WWOX: variants seen among roughly 807,000 people sequenced by gnomAD.
WWOX encodes the protein WW domain-containing oxidoreductase.
A neutral mutation model predicts 46.2 loss-of-function variants in WWOX; 69 were observed. The observed-to-expected ratio is 1.49, with a 90% CI of 1.23 to 1.82. The LOEUF is 1.82. Among genes scored for constraint, WWOX ranks in the 40% most tolerant of loss-of-function variants. The pLI, the probability that WWOX is intolerant of heterozygous loss-of-function variation, is 0.00. For synonymous variants in WWOX, 359 were observed against 202.6 expected (o/e 1.77, Z -6.56); for missense variants, 919 against 542.6 (o/e 1.69, Z -6.89).
chr16:78,409,329 C>T (rs980688597), intron 6 of WWOX, among the ~76,000 whole-genome samples: 2 of 152,118 alleles, frequency 1.3e-5, no homozygotes, highest in South Asian at 2.1e-4. Flanking sequence ...CAGAACAGTG[C>T]CATCACCCCC....
intron 5 of WWOX, among the ~76,000 whole-genome samples, chr16:78,372,317 T>G (rs1037748018): frequency 6.6e-6 from 1 of 152,226 alleles, no homozygotes. Flanking sequence ...ATATGGTTCC[T>G]TATGGTCCTG....
chr16:78,504,634 T>C (rs2085148109), intron 8 of WWOX, among the ~76,000 whole-genome samples: 1 of 152,182 alleles, frequency 6.6e-6, no homozygotes, highest in South Asian at 2.1e-4. Context: ...CACCCAGAAC[T>C]TATGAAATAT....
chr16:79,200,833 G>A (rs961583194), intron 8 of WWOX, among the ~76,000 whole-genome samples: 1 of 152,182 alleles, frequency 6.6e-6, no homozygotes, highest in Non-Finnish European at 1.5e-5. Flanking sequence ...AGGTGCTGGG[G>A]CCAGGTGACA....
intron 8 of WWOX, among the ~76,000 whole-genome samples, chr16:78,951,452 A>G (rs927625273): frequency 1.1e-4 from 17 of 148,574 alleles, no homozygotes; most frequent in Non-Finnish European, 1.9e-4. Context: ...ACCACCTTAG[A>G]GCATGGGAGC....
intron 8 of WWOX, among the ~76,000 whole-genome samples, chr16:78,975,265 A>G (rs1225072529): frequency 3.3e-5 from 5 of 152,164 alleles, no homozygotes; most frequent in Admixed American, 6.5e-5. Flanking sequence ...AGGTGTGGCA[A>G]TGTCTAGAGA....
At chr16:78,711,860 C>T (rs1026936026) in intron 8 of WWOX, among the ~76,000 whole-genome samples, 36 of 152,172 alleles carry the variant, frequency 2.4e-4, no homozygotes, top group African/African-American at 7.2e-4. Context: ...TCCGTAAACA[C>T]ATCTTACAAA....
intron 8 of WWOX, among the ~76,000 whole-genome samples, chr16:78,472,285 G>A (rs1434215560): frequency 6.6e-6 from 1 of 152,098 alleles, no homozygotes; most frequent in African/African-American, 2.4e-5. Context: ...AGGGAATGTG[G>A]TCAGCCTCTT....
chr16:79,075,879 T>G (rs2048646833), intron 8 of WWOX, among the ~76,000 whole-genome samples: 1 of 152,198 alleles, frequency 6.6e-6, no homozygotes, highest in Non-Finnish European at 1.5e-5. Flanking sequence ...TTTTTCAGAA[T>G]TATGTTTTTT....
chr16:78,647,628 T>G (rs1238228886), intron 8 of WWOX, among the ~76,000 whole-genome samples: 2 of 152,198 alleles, frequency 1.3e-5, no homozygotes, highest in Non-Finnish European at 2.9e-5. Flanking sequence ...TACCATTTCC[T>G]GAGGGCATAC....
intron 8 of WWOX, among the ~76,000 whole-genome samples, chr16:78,538,195 TTTAA>T (rs1371623755): frequency 1.4e-5 from 2 of 139,884 alleles, no homozygotes; most frequent in Admixed American, 7.4e-5. Context: ...GATTGTAATC[TTTAA>T]TTAAGCTATC....
chr16:78,849,700 G>A (rs1335984643), intron 8 of WWOX, among the ~76,000 whole-genome samples: 1 of 151,898 alleles, frequency 6.6e-6, no homozygotes, highest in African/African-American at 2.4e-5. Context: ...CCCTAGACTA[G>A]ATTTCTAATC....
At chr16:78,704,373 A>C (rs1256716664) in intron 8 of WWOX, among the ~76,000 whole-genome samples, 3 of 152,068 alleles carry the variant, frequency 2.0e-5, no homozygotes, top group African/African-American at 7.2e-5. Context: ...CTGCATTTTC[A>C]CAATGCTTGG....
chr16:78,786,510 A>G (rs993045138), intron 8 of WWOX, among the ~76,000 whole-genome samples: 2 of 152,216 alleles, frequency 1.3e-5, no homozygotes, highest in Non-Finnish European at 2.9e-5. Flanking sequence ...GATTTATTTA[A>G]TAGTAACCTT....
chr16:78,763,380 A>G (rs181111411), intron 8 of WWOX, among the ~76,000 whole-genome samples: 1 of 152,252 alleles, frequency 6.6e-6, no homozygotes, highest in Non-Finnish European at 1.5e-5. Flanking sequence ...CTGTTCATCC[A>G]GAACTCATTG....
chr16:78,768,221 A>G (rs71398106), intron 8 of WWOX, among the ~76,000 whole-genome samples: 2 of 150,994 alleles, frequency 1.3e-5, no homozygotes, highest in East Asian at 3.9e-4. Context: ...CAACTAGGTC[A>G]CAGTAGAAAA....
At chr16:79,169,451 AGCACTATTCTTG>A (rs1165286152) in intron 8 of WWOX, among the ~76,000 whole-genome samples, 1 of 152,198 alleles carries the variant, frequency 6.6e-6, no homozygotes, top group African/African-American at 2.4e-5. Context: ...GGTCTCACTG[AGCACTATTCTTG>A]GAATTCTTAA....
At chr16:78,800,363 T>G (rs144522541) in intron 8 of WWOX, among the ~76,000 whole-genome samples, 2 of 152,274 alleles carry the variant, frequency 1.3e-5, no homozygotes, top group East Asian at 3.9e-4. Context: ...TGCTTTAAAA[T>G]TCCGCTTGGA....
intron 8 of WWOX, among the ~76,000 whole-genome samples, chr16:78,467,319 A>G (rs984463109): frequency 1.3e-5 from 2 of 152,190 alleles, no homozygotes; most frequent in African/African-American, 4.8e-5. Context: ...CACAGTCTAT[A>G]TATACATGTA....
chr16:78,582,043 A>G (rs1408612430), intron 8 of WWOX, among the ~76,000 whole-genome samples: 1 of 152,220 alleles, frequency 6.6e-6, no homozygotes, highest in Non-Finnish European at 1.5e-5. Context: ...GATCATTTTC[A>G]GGTTAGTCCT....
Sources: gnomAD v4.1 joint callset for allele counts (sites outside exome capture counted in the v4.1 genomes callset) on GRCh38, gnomAD v4.1.1 for gene constraint, MANE v1.5 for transcripts, NCBI Gene and HGNC (gene_info 2026-07-23, HGNC 2026-07-21) for gene names.